Variants in MROH1 observed in about 807,000 individuals in gnomAD.
The protein encoded by MROH1 is maestro heat like repeat family member 1.
MROH1 carries 117 observed loss-of-function variants against 116.5 expected under a neutral mutation model. The observed-to-expected ratio is 1.00, with a 90% CI of 0.86 to 1.17. The LOEUF is 1.17. MROH1 is among the 50% of genes most tolerant of loss of function. MROH1 has a pLI of 0.00. For synonymous variants in MROH1, 921 were observed against 583.9 expected, an observed-to-expected ratio of 1.58 and a Z score of -8.32; for missense variants, 1,873 against 1,338.5, an observed-to-expected ratio of 1.40 and a Z score of -6.23.
intron 12 of MROH1, among the ~76,000 whole-genome samples, chr8:144,215,799 G>C (rs1011234453): frequency 2.6e-5 from 4 of 151,686 alleles, no homozygotes; most frequent in African/African-American, 4.8e-5. Flanking sequence ...CGTGAACCTG[G>C]GTGGCAGAGC....
In MROH1 at chr8:144,180,724, C is replaced by T. The variant is rs374462140; in HGVS notation, c.562+201C>T. On this transcript the variant is annotated intron_variant, in intron 7 of 43. Coordinates refer to ENST00000326134, the MANE Select transcript of MROH1 (RefSeq NM_032450.3). The surrounding 1 kb of genome is among the most constrained non-coding windows in gnomAD (Gnocchi z 7.4). ...GACACAGCCTCTGTCTCTTGTTTCT[C>T]TCTACTCCTGGAGAGCCCCCCACCT... Among the ~76,000 whole-genome samples, 8 of 152,152 alleles carry T rather than the reference C, an allele frequency of 5.3e-5. No homozygotes were observed. The highest frequency in any genetic ancestry group is 1.2e-4 in the Non-Finnish European group (8 of 68,000).
chr8:144,177,457 C>A (rs374911247), intron 4 of MROH1, among the ~76,000 whole-genome samples: 104 of 152,342 alleles, frequency 6.8e-4, no homozygotes, highest in African/African-American at 2.3e-3. Context: ...CTCCTCCAAA[C>A]GACCTTGTCA....
At chr8:144,164,140 C>T (rs554717645) in intron 3 of MROH1, among the ~76,000 whole-genome samples, 1 of 149,708 alleles carries the variant, frequency 6.7e-6, no homozygotes, top group East Asian at 2.0e-4. Context: ...CACAGTGGCT[C>T]ACGCCTGTAA....
At chr8:144,202,101 A>C (rs900335514) in intron 12 of MROH1, among the ~76,000 whole-genome samples, 10 of 152,120 alleles carry the variant, frequency 6.6e-5, no homozygotes, top group Non-Finnish European at 1.0e-4. Flanking sequence ...CACCAGGTTA[A>C]GAGTCAGGTG....
chr8:144,200,479 C>T lies in MROH1; in HGVS notation c.1079C>T (p.Thr360Ile). Residue 360 changes from threonine to isoleucine, a missense_variant, in exon 12 of 44, where the codon ACC becomes ATC. Physicochemically the swap from Thr to Ile is moderately conservative, Grantham distance 89. Coordinates refer to ENST00000326134, the MANE Select transcript of MROH1 (RefSeq NM_032450.3). ...GCCTTCCTGCTGCCCAGGCTGGACA[C>T]CAGCAATGAGAGGACCCGCGTGGGC... ...LLAFLLPRLD[T>I]SNERTRVGTL... 1 of 1,552,066 alleles carries T rather than the reference C, an allele frequency of 6.4e-7. No homozygotes were observed. The highest frequency in any genetic ancestry group is 8.7e-7 in the Non-Finnish European group (1 of 1,147,728).
At chr8:144,166,333 G>T (rs1375692901) in intron 3 of MROH1, among the ~76,000 whole-genome samples, 3 of 152,204 alleles carry the variant, frequency 2.0e-5, no homozygotes, top group Non-Finnish European at 1.5e-5. Context: ...GTGTAGTAGA[G>T]AGCACAGATT....
At chr8:144,243,200 T>G (rs1443381505) in intron 24 of MROH1, among the ~76,000 whole-genome samples, 1 of 152,132 alleles carries the variant, frequency 6.6e-6, no homozygotes, top group Admixed American at 6.5e-5. Flanking sequence ...GAGGTTCTTC[T>G]CCCAGCCCTT....
Position 144,240,511 on chromosome 8 carries a change from T to C in MROH1, c.1828-59T>C, listed in dbSNP as rs1039959124. 3.0e-5 allele frequency: 21 copies of C among 711,182 alleles called. No homozygotes were observed. In the African/African-American group the frequency reaches 3.1e-4, roughly 11 times the overall value. The allele number at this position is 711,182 out of a possible 1,614,324, so 44.1% of individuals were successfully genotyped here. A position where few individuals can be genotyped will look rare whatever the true frequency, so the allele number is the denominator to read the frequency against. ...ACAGCACATGGGGATGTGCCCAGGC[T>C]CCAGCCAGCCCTGTGAGGGGTCGGG... On this transcript the variant is annotated intron_variant, in intron 19 of 43. Coordinates refer to ENST00000326134, the MANE Select transcript of MROH1 (RefSeq NM_032450.3).
In MROH1 at chr8:144,242,524, T is replaced by C. The variant is rs1841181444; in HGVS notation, c.2325+9T>C. 5.1e-6 allele frequency: 4 copies of C among 780,600 alleles called. No homozygotes were observed. The highest frequency in any genetic ancestry group is 3.4e-5 in the Admixed American group (2 of 59,012). 48.4% of individuals were successfully genotyped at this position (780,600 alleles called of 1,614,324 possible). A position where few individuals can be genotyped will look rare whatever the true frequency, so the allele number is the denominator to read the frequency against. On this transcript the variant is annotated intron_variant, in intron 23 of 43. Coordinates refer to ENST00000326134, the MANE Select transcript of MROH1 (RefSeq NM_032450.3). ...AGCACTTCAGCACCAAGGTGGGCAC[T>C]GCGGTGGGCCTGCCACGCAGGGGAG... is the stretch of plus-strand genomic sequence containing the variant.
At chr8:144,166,298 C>T (rs959191773) in intron 3 of MROH1, among the ~76,000 whole-genome samples, 2 of 152,148 alleles carry the variant, frequency 1.3e-5, no homozygotes, top group African/African-American at 4.8e-5. Context: ...AGGGACGTGG[C>T]GTGGAAGTTG....
chr8:144,199,280 G>A (rs1029803442), intron 11 of MROH1, 80 bp downstream of exon 11: 1 of 1,435,544 alleles, frequency 7.0e-7, no homozygotes. Context: ...GGAGGATGGT[G>A]GTGGCTGGGG....
At chr8:144,189,860 C>G (rs1828128460) in intron 7 of MROH1, among the ~76,000 whole-genome samples, 1 of 152,232 alleles carries the variant, frequency 6.6e-6, no homozygotes, top group African/African-American at 2.4e-5. Flanking sequence ...TGGGCAGGAA[C>G]TTGTGGGCAG....
intron 12 of MROH1, among the ~76,000 whole-genome samples, chr8:144,210,625 G>A (rs1442890890): frequency 6.6e-6 from 1 of 152,090 alleles, no homozygotes; most frequent in Admixed American, 6.6e-5. Flanking sequence ...GGTGGCAGAG[G>A]TTGCAGTGAG....
At chr8:144,153,863 C>A (rs974936231) in intron 1 of MROH1, among the ~76,000 whole-genome samples, 1 of 152,080 alleles carries the variant, frequency 6.6e-6, no homozygotes, top group South Asian at 2.1e-4. Flanking sequence ...TGGGTTCAAG[C>A]GGTTCTTCTC....
intron 1 of MROH1, among the ~76,000 whole-genome samples, chr8:144,151,460 G>C (rs1253995775): frequency 2.6e-5 from 4 of 152,106 alleles, no homozygotes; most frequent in African/African-American, 4.8e-5. Context: ...AGGGCAGTCG[G>C]AGGAGAGCTG....
chr8:144,165,746 ATT>A (rs1201167849), intron 3 of MROH1, among the ~76,000 whole-genome samples: 19 of 108,212 alleles, frequency 1.8e-4, no homozygotes, highest in Non-Finnish European at 2.2e-4. Context: ...TAATTTTTGT[ATT>A]TTTTTTTTTT....
intron 29 of MROH1, among the ~76,000 whole-genome samples, 187 bp from the exon 30 acceptor site, chr8:144,247,114 G>A (rs988746008): frequency 1.3e-5 from 2 of 152,070 alleles, no homozygotes; most frequent in Admixed American, 6.5e-5. Context: ...GCTGAGCAGC[G>A]CCCACGCTGC....
Position 144,260,410 on chromosome 8 carries a change from C to A in MROH1, c.4380+36C>A, listed in dbSNP as rs938741746. On this transcript the variant is annotated intron_variant, in intron 39 of 43. Coordinates refer to ENST00000326134, the MANE Select transcript of MROH1 (RefSeq NM_032450.3). ...TGGGGCAGGGGGAGGGAAGAGGGCCCCAGCCCTTCCTGCCTCTTACTCTGA... is the reference window on the plus strand; with the variant it reads ...TGGGGCAGGGGGAGGGAAGAGGGCCACAGCCCTTCCTGCCTCTTACTCTGA... 8 of 703,374 alleles carry A rather than the reference C, an allele frequency of 1.1e-5. No homozygotes were observed. In the South Asian group the frequency reaches 1.2e-4, roughly 10 times the overall value. 43.6% of individuals were successfully genotyped at this position (703,374 alleles called of 1,614,324 possible). A position where few individuals can be genotyped will look rare whatever the true frequency, so the allele number is the denominator to read the frequency against.
intron 33 of MROH1, among the ~76,000 whole-genome samples, chr8:144,253,935 TG>T (rs1843253024): frequency 1.3e-5 from 2 of 151,786 alleles, no homozygotes; most frequent in South Asian, 2.1e-4. Flanking sequence ...AGTTTGCAGG[TG>T]GGGGTTGCTT....
Sources: gnomAD v4.1 joint callset for allele counts (sites outside exome capture counted in the v4.1 genomes callset) on GRCh38, gnomAD v4.1.1 for gene constraint, Gnocchi (gnomAD v3.1) non-coding constraint, MANE v1.5 for transcripts, NCBI Gene and HGNC (gene_info 2026-07-23, HGNC 2026-07-21) for gene names.